Variants in ARHGAP12 observed in about 807,000 individuals in gnomAD.
ARHGAP12 encodes the protein rho GTPase-activating protein 12.
ARHGAP12 carries 64 observed loss-of-function variants against 108.6 expected under a neutral mutation model. The ratio of observed to expected loss-of-function variants is 0.59; its 90% confidence interval spans 0.48 to 0.73. The LOEUF (loss-of-function observed/expected upper bound fraction) is 0.73. Among genes scored for constraint, ARHGAP12 ranks in the 30% least tolerant of loss-of-function variants. ARHGAP12 has a pLI of 0.00. For missense variants in ARHGAP12, 940 were observed against 1,005.9 expected, an observed-to-expected ratio of 0.93 and a Z score of 0.89; for synonymous variants, 312 against 337.2, an observed-to-expected ratio of 0.93 and a Z score of 0.82.
At chr10:31,871,851 A>T (rs950103392) in intron 3 of ARHGAP12, among the ~76,000 whole-genome samples, 1 of 152,220 alleles carries the variant, frequency 6.6e-6, no homozygotes, top group African/African-American at 2.4e-5. Flanking sequence ...GGGAGTGCAC[A>T]ATTAGGAAGT....
intron 3 of ARHGAP12, among the ~76,000 whole-genome samples, chr10:31,862,920 C>T (rs1837184362): frequency 6.6e-6 from 1 of 152,156 alleles, no homozygotes; most frequent in African/African-American, 2.4e-5. Flanking sequence ...CTTTAAAATA[C>T]TGAATTTGAA....
chr10:31,897,497 G>A (rs935520724), intron 3 of ARHGAP12, among the ~76,000 whole-genome samples: 2 of 152,060 alleles, frequency 1.3e-5, no homozygotes, highest in African/African-American at 4.8e-5. Flanking sequence ...TGGGGTGGGG[G>A]CGCCTACCTT....
At chr10:31,861,359 C>A (rs780506415) in intron 4 of ARHGAP12, 36 bp downstream of exon 4, 2 of 1,554,410 alleles carry the variant, frequency 1.3e-6, no homozygotes, top group African/African-American at 1.4e-5. Flanking sequence ...AAGAGAAAAT[C>A]TGGTAACTTG....
intron 9 of ARHGAP12, 98 bp from the exon 10 acceptor site, chr10:31,831,898 T>C (rs552618474): frequency 1.6e-6 from 1 of 624,180 alleles, no homozygotes; most frequent in South Asian, 3.7e-5. Flanking sequence ...CTCTAAAAAT[T>C]AGCTTAAAAG....
intron 3 of ARHGAP12, among the ~76,000 whole-genome samples, chr10:31,898,047 C>G (rs1277174653): frequency 6.6e-6 from 1 of 152,058 alleles, no homozygotes; most frequent in Non-Finnish European, 1.5e-5. Flanking sequence ...TCGCTTGAAC[C>G]CAGGAGGTCA....
chr10:31,913,173 A>C (rs746399976), intron 1 of ARHGAP12: 2 of 152,942 alleles, frequency 1.3e-5, no homozygotes, highest in Non-Finnish European at 2.9e-5. Context: ...AAGAGGCAAA[A>C]ATGTCATTAT....
At chr10:31,840,025 A>G (rs1027242158) in intron 7 of ARHGAP12, among the ~76,000 whole-genome samples, 1 of 152,114 alleles carries the variant, frequency 6.6e-6, no homozygotes, top group Admixed American at 6.5e-5. Context: ...TATTAAAATA[A>G]GTAAAACCTA....
chr10:31,824,052 C>T (rs536607818), intron 11 of ARHGAP12, among the ~76,000 whole-genome samples: 6 of 152,156 alleles, frequency 3.9e-5, no homozygotes, highest in East Asian at 3.9e-4. Context: ...TATGAATGTT[C>T]TTGGGTCATA....
Position 31,908,223 on chromosome 10 carries a change from T to C in ARHGAP12, c.633A>G (p.Gln211=), listed in dbSNP as rs1470694283. Residue 211 remains glutamine (Q), a synonymous_variant, in exon 3 of 20, where the codon CAA becomes CAG. Coordinates refer to ENST00000344936, the MANE Select transcript of ARHGAP12 (RefSeq NM_018287.7). The part of the protein sequence containing the change: ...SAGEGSERIH[Q]DSESGDELSS... ...TAAGTTCATCACCAGATTCAGAATCTTGATGTATTCTTTCAGAGCCTTCTC... is the reference window on the plus strand; with the variant it reads ...TAAGTTCATCACCAGATTCAGAATCCTGATGTATTCTTTCAGAGCCTTCTC... 3 of 1,613,132 alleles carry C rather than the reference T, an allele frequency of 1.9e-6. No individual in the cohort carries two copies. The highest frequency in any genetic ancestry group is 2.2e-5 in the East Asian group (1 of 44,888).
At chr10:31,923,579 T>C (rs1009523980) in intron 1 of ARHGAP12, among the ~76,000 whole-genome samples, 3 of 152,192 alleles carry the variant, frequency 2.0e-5, no homozygotes, top group Non-Finnish European at 2.9e-5. Flanking sequence ...ATCCACACAA[T>C]GGAATATCAC....
intron 5 of ARHGAP12, among the ~76,000 whole-genome samples, chr10:31,853,562 C>A (rs1410808952): frequency 6.6e-6 from 1 of 152,162 alleles, no homozygotes; most frequent in African/African-American, 2.4e-5. Context: ...CTTCTCTGAA[C>A]ATGTACAACC....
chr10:31,894,635 G>A (rs1838599670), intron 3 of ARHGAP12, among the ~76,000 whole-genome samples: 3 of 152,224 alleles, frequency 2.0e-5, no homozygotes, highest in Admixed American at 2.0e-4. Context: ...CATGCTCATG[G>A]ATAGGAAGAA....
At chr10:31,831,897 T>C in intron 9 of ARHGAP12, 97 bp from the exon 10 acceptor site, 1 of 633,454 alleles carries the variant, frequency 1.6e-6, no homozygotes, top group South Asian at 3.6e-5. Flanking sequence ...TCTCTAAAAA[T>C]TAGCTTAAAA....
chr10:31,817,022 T>A (rs576488006), intron 13 of ARHGAP12, among the ~76,000 whole-genome samples: 5 of 152,076 alleles, frequency 3.3e-5, no homozygotes, highest in Admixed American at 6.6e-5. Flanking sequence ...TGTCCCCATA[T>A]GGTGAAAGGT....
At chr10:31,850,302 T>C (rs1836624291) in intron 6 of ARHGAP12, among the ~76,000 whole-genome samples, 1 of 152,234 alleles carries the variant, frequency 6.6e-6, no homozygotes, top group African/African-American at 2.4e-5. Context: ...AGCAGATTTT[T>C]CTTCTGGTTC....
At position 31,839,790 on chromosome 10, in the gene ARHGAP12, T is replaced by G. The variant is rs182638687; in HGVS notation, c.1297-79A>C. 19 of 1,152,990 alleles carry G rather than the reference T, an allele frequency of 1.6e-5. No homozygotes were observed. In the African/African-American group the frequency reaches 2.5e-4, roughly 15 times the overall value. 71.4% of individuals were successfully genotyped at this position (1,152,990 alleles called of 1,614,324 possible). On this transcript the variant is annotated intron_variant, in intron 7 of 19. Coordinates refer to ENST00000344936, the MANE Select transcript of ARHGAP12 (RefSeq NM_018287.7). ...TGCCTCTACTCACAGTGGGAGAGCT[T>G]AGTAAGAGAGAATAACAAATTTTTT...
chr10:31,916,646 T>G (rs1839568620), intron 1 of ARHGAP12, among the ~76,000 whole-genome samples: 1 of 152,146 alleles, frequency 6.6e-6, no homozygotes, highest in African/African-American at 2.4e-5. Flanking sequence ...AGATGGAGTC[T>G]CCCTCTGTCA....
At chr10:31,927,238 ATAGCC>A (rs1564441893) in intron 1 of ARHGAP12, among the ~76,000 whole-genome samples, 5 of 34,826 alleles carry the variant, frequency 1.4e-4, no homozygotes, top group African/African-American at 1.1e-3. Flanking sequence ...CAAAATAAAA[ATAGCC>A]AAAATGCCTA....
At chr10:31,920,179 G>A (rs559033719) in intron 1 of ARHGAP12, among the ~76,000 whole-genome samples, 32 of 150,598 alleles carry the variant, frequency 2.1e-4, no homozygotes, top group Non-Finnish European at 4.1e-4. Context: ...TTAGCCGGGC[G>A]CAGTGGCTCA....
Sources: gnomAD v4.1 joint callset for allele counts (sites outside exome capture counted in the v4.1 genomes callset) on GRCh38, gnomAD v4.1.1 for gene constraint, MANE v1.5 for transcripts, NCBI Gene and HGNC (gene_info 2026-07-23, HGNC 2026-07-21) for gene names.